Variants in MYH3 observed in about 807,000 individuals in gnomAD.
MYH3 encodes myosin-3.
Under a neutral mutation model 238.0 loss-of-function variants are expected in MYH3, and 130 were observed. The ratio of observed to expected loss-of-function variants is 0.55; its 90% CI spans 0.47 to 0.63. The LOEUF (loss-of-function observed/expected upper bound fraction) is 0.63, where lower values mean the gene tolerates loss of function less well. Among genes scored for constraint, MYH3 ranks in the 30% least tolerant of loss-of-function variants. The pLI, the probability that MYH3 is intolerant of heterozygous loss-of-function variation, is 0.00. For synonymous variants in MYH3, 880 were observed against 924.1 expected (o/e 0.95, Z 0.86); for missense variants, 1,853 against 2,374.9 (o/e 0.78, Z 4.57).
the MYH3 span, chr17:10,673,698 T>C: frequency 1.3e-5 from 2 of 152,190 alleles, no homozygotes; most frequent in Non-Finnish European, 2.9e-5. Context: ...TTCAATTGAG[T>C]ATTTGAGAAT....
rs1246686782 is a variant in MYH3, at chr17:10,654,896, C to T, written c.169G>A (p.Asp57Asn). ...YAKGKIKSSQ[D>N]GKVTVETEDN... ...TCAGTTTCCACAGTGACCTTCCCAT[C>T]CTGAGAACTCTTGATTTTCCCCTTG... The change falls in exon 3 of 41, where the codon GAT becomes AAT. Residue 57 changes from aspartate to asparagine, a missense_variant. Around this residue, in one of 3 missense-constraint regions of MYH3, gnomAD observed 131 missense variants for 123.5 expected, o/e 1.06. Transcript: ENST00000583535. This position sits in a 1 kb window ranked among gnomAD's most constrained non-coding sequence, Gnocchi z 4.5. 6.2e-7 allele frequency: 1 copy of T among 1,614,166 alleles called. No individual in the cohort carries two copies. Among genetic ancestry groups the T allele is most frequent in the South Asian group, 1.1e-5 (1 of 91,084 alleles).
rs1289240989 is a variant in MYH3 at position 10,639,988 on chromosome 17, A to G, written c.2682+8T>C. The G allele has an allele frequency of 6.2e-7, 1 of 1,612,996 alleles. No homozygotes were observed. Among genetic ancestry groups the G allele is most frequent in the African/African-American group, 1.3e-5 (1 of 74,802 alleles). On this transcript the variant is annotated splice_region_variant and intron_variant, in intron 22 of 40. Transcript: ENST00000583535. Reference sequence around the variant, plus strand: ...TTAAAAAAAAAAAAAAGATTGCTAAACACGTACAGCTTGTACTTGGAGCTG... The same window carrying G: ...TTAAAAAAAAAAAAAAGATTGCTAAGCACGTACAGCTTGTACTTGGAGCTG...
chr17:10,639,322 G>A lies in MYH3; in HGVS notation c.3078C>T (p.Ser1026=), dbSNP rs146309217. The A allele has an allele frequency of 1.8e-3, 2,829 of 1,614,096 alleles. 6 individuals carry two copies. The highest frequency in any genetic ancestry group is 2.1e-3 in the Non-Finnish European group (2,516 of 1,180,010). Residue 1026 remains serine, a synonymous_variant, in exon 24 of 41, where the codon AGC becomes AGT. Coordinates refer to ENST00000583535, the MANE Select transcript of MYH3 (RefSeq NM_002470.4). ...CGTCTTCCACTTGCTGTTCCAGTTT[G>A]CTCTTGGTTTTGTTCAAAGAATTGA... ...DKVNSLNKTK[S]KLEQQVEDLE...
In MYH3 at chr17:10,642,198, A is replaced by T; in HGVS notation, c.1959+42T>A. ...TCTCAGCATTGCTCATTTAGATGTC[A>T]CTTAAATCAATTATAAGCAAATAAA... On this transcript the variant is annotated intron_variant, in intron 17 of 40. Coordinates refer to ENST00000583535, the MANE Select transcript of MYH3 (RefSeq NM_002470.4). This position sits in a 1 kb window ranked among gnomAD's most constrained non-coding sequence, Gnocchi z 5.4. 6.4e-7 allele frequency: 1 copy of T among 1,554,458 alleles called. No individual in the cohort carries two copies. Among genetic ancestry groups the T allele is most frequent in the Non-Finnish European group, 8.9e-7 (1 of 1,128,814 alleles).
chr17:10,644,560 C>T, intron 13 of MYH3, 24 bp downstream of exon 13: 1 of 1,613,406 alleles, frequency 6.2e-7, no homozygotes, highest in Non-Finnish European at 8.5e-7. Context: ...GTCCTGCACC[C>T]TTTCCCGGCC....
In MYH3 at chr17:10,639,405, C is replaced by T. The variant is rs778496251; in HGVS notation, c.2995G>A (p.Ala999Thr). ...GCCTGCTGGTGCGCCTCTTGGAGGG[C>T]CTTCTTCTCTCTGGTTAACTTTGCA... The part of the protein sequence containing the change: ...TIAKLTREKK[A>T]LQEAHQQALD... Residue 999 changes from alanine to threonine, a missense_variant, in exon 24 of 41, where the codon GCC (alanine) becomes ACC (threonine). This residue lies in a region of MYH3 where 1,044 missense variants were observed against 1,192.6 expected (regional missense o/e 0.88). Transcript: ENST00000583535. 1 of 1,614,086 alleles carries T rather than the reference C, an allele frequency of 6.2e-7. No individual in the cohort carries two copies.
chr17:10,639,828 C>A (rs780091654), intron 22 of MYH3, 26 bp from the exon 23 acceptor site: 1 of 1,612,778 alleles, frequency 6.2e-7, no homozygotes, highest in African/African-American at 1.3e-5. Flanking sequence ...ATAATAACTT[C>A]GTTGAATGAT....
At position 10,634,966 on chromosome 17, in the gene MYH3, A is replaced by G; in HGVS notation, c.4230T>C (p.Ala1410=). 6.2e-7 allele frequency: 1 copy of G among 1,614,106 alleles called. No individual in the cohort carries two copies. The highest frequency in any genetic ancestry group is 8.5e-7 in the Non-Finnish European group (1 of 1,180,020). The part of the protein sequence containing the change: ...DSEEQVEAVN[A]KCASLEKTKQ... ...TGGTCTTCTCCAGTGAAGCACATTT[A>G]GCATTCACTGCCTCAACCTGTTCCT... The change falls in exon 31 of 41, where the codon GCT becomes GCC. Residue 1410 remains alanine, a synonymous_variant. Transcript: ENST00000583535.
At position 10,651,181 on chromosome 17, in the gene MYH3, T is replaced by C. The variant is rs537799755; in HGVS notation, c.505+331A>G. Among the ~76,000 whole-genome samples the C allele has an allele frequency of 4.4e-3, 323 of 73,764 alleles. 3 individuals are homozygous for C. The highest frequency in any genetic ancestry group is 7.4e-3 in the Non-Finnish European group (233 of 31,386). 48.4% of individuals were successfully genotyped at this position (73,764 alleles called of 152,430 possible). ...GCCTGGGCAACATAGCAAGACTCCA[T>C]CTCAAAAAAAAAAAAAAAAAACCAG... is the stretch of plus-strand genomic sequence containing the variant. On this transcript the variant is annotated intron_variant, in intron 5 of 40. Coordinates refer to ENST00000583535, the MANE Select transcript of MYH3 (RefSeq NM_002470.4).
chr17:10,667,149 A>G, the MYH3 span, among the ~76,000 whole-genome samples: 1 of 152,236 alleles, frequency 6.6e-6, no homozygotes, highest in Non-Finnish European at 1.5e-5. Flanking sequence ...TACGGAGGAT[A>G]ATTTAGAAAA....
Position 10,649,703 on chromosome 17 carries a change from A to G in MYH3, c.534-18T>C, listed in dbSNP as rs2142418826. Reference sequence around the variant, plus strand: ...ATTCTCCGCTGTACAGAGTGATCAAAAGAGAGAGAAAGAAACAAGTCTGTT... The same window carrying G: ...ATTCTCCGCTGTACAGAGTGATCAAGAGAGAGAGAAAGAAACAAGTCTGTT... On this transcript the variant is annotated intron_variant, in intron 6 of 40. Coordinates refer to ENST00000583535, the MANE Select transcript of MYH3 (RefSeq NM_002470.4). 1 of 1,607,432 alleles carries G rather than the reference A, an allele frequency of 6.2e-7. No homozygotes were observed. Among genetic ancestry groups the G allele is most frequent in the East Asian group, 2.2e-5 (1 of 44,840 alleles).
intron 33 of MYH3, among the ~76,000 whole-genome samples, 154 bp downstream of exon 33, chr17:10,633,437 G>A (rs1388483152): frequency 2.0e-5 from 3 of 152,122 alleles, no homozygotes; most frequent in Non-Finnish European, 4.4e-5. Flanking sequence ...GTATTATTCA[G>A]CCTCACAGTT....
chr17:10,643,345 AATATAC>A (rs933189534), intron 14 of MYH3, among the ~76,000 whole-genome samples: 1 of 152,000 alleles, frequency 6.6e-6, no homozygotes, highest in Admixed American at 6.6e-5. Context: ...GGGAAACCTA[AATATAC>A]ACTTTGATGA....
chr17:10,643,735 A>G (rs1319403993), intron 14 of MYH3, among the ~76,000 whole-genome samples: 2 of 152,224 alleles, frequency 1.3e-5, no homozygotes, highest in Admixed American at 1.3e-4. Context: ...TGCGTGATTA[A>G]CTTATCAAAT....
the MYH3 span, among the ~76,000 whole-genome samples, chr17:10,664,658 G>T: frequency 6.6e-6 from 1 of 150,974 alleles, no homozygotes; most frequent in Admixed American, 6.6e-5. Flanking sequence ...ATGAGAGTCA[G>T]GTCCAAGACA....
chr17:10,629,190 C>T (rs976033714), intron 40 of MYH3, among the ~76,000 whole-genome samples: 1 of 152,122 alleles, frequency 6.6e-6, no homozygotes, highest in Non-Finnish European at 1.5e-5. Flanking sequence ...CGCCCCCACC[C>T]CCGGAAAGGC....
the MYH3 span, among the ~76,000 whole-genome samples, chr17:10,669,778 G>GT: frequency 6.6e-6 from 1 of 152,088 alleles, no homozygotes; most frequent in Non-Finnish European, 1.5e-5. Flanking sequence ...GGGCGTGGTG[G>GT]TATGTGCCTG....
rs753515010 is a variant in MYH3, at chr17:10,629,893, C to A, written c.5607G>T (p.Val1869=). 42 of 1,614,050 alleles carry A rather than the reference C, an allele frequency of 2.6e-5. 1 individual carries two copies. The South Asian group carries it at 4.6e-4, about 18-fold the overall frequency. ...ACTTGACTTTCACTTGCAGTTTATCCACCAGATCCTGCAATCTCAGCACAT... is the reference window on the plus strand; with the variant it reads ...ACTTGACTTTCACTTGCAGTTTATCAACCAGATCCTGCAATCTCAGCACAT... ...RKNVLRLQDL[V]DKLQVKVKSY... is the part of the protein sequence containing the mutation. Residue 1869 remains valine, a synonymous_variant, in exon 39 of 41, where the codon GTG becomes GTT. Coordinates refer to ENST00000583535, the MANE Select transcript of MYH3 (RefSeq NM_002470.4).
At chr17:10,651,468 C>T (rs755405423) in intron 5 of MYH3, 44 bp downstream of exon 5, 1 of 1,611,932 alleles carries the variant, frequency 6.2e-7, no homozygotes, top group Non-Finnish European at 8.5e-7. Flanking sequence ...TCGCCTCATG[C>T]AGTGCCTGCT....
Sources: gnomAD v4.1 joint callset for allele counts (sites outside exome capture counted in the v4.1 genomes callset) on GRCh38, gnomAD v4.1.1 for gene constraint, gnomAD v4.1.1 regional missense constraint, Gnocchi (gnomAD v3.1) non-coding constraint, MANE v1.5 for transcripts, NCBI Gene and HGNC (gene_info 2026-07-23, HGNC 2026-07-21) for gene names.